TSPAN5: variants seen among roughly 807,000 people sequenced by gnomAD.
TSPAN5 encodes tetraspanin-5.
In TSPAN5, 10 loss-of-function variants were observed where a neutral mutation model predicts 37.1. The ratio of observed to expected loss-of-function variants is 0.27; its 90% CI spans 0.17 to 0.46. TSPAN5 has a LOEUF of 0.46. TSPAN5 is among the 20% of genes least tolerant of loss of function. The pLI is 1.00. For missense variants in TSPAN5, 195 were observed against 326.6 expected, an observed-to-expected ratio of 0.60 and a Z score of 3.11; for synonymous variants, 110 against 118.9, an observed-to-expected ratio of 0.93 and a Z score of 0.48.
At chr4:98,490,467 T>C (rs1753061381) in intron 2 of TSPAN5, among the ~76,000 whole-genome samples, 1 of 152,140 alleles carries the variant, frequency 6.6e-6, no homozygotes, top group South Asian at 2.1e-4. Flanking sequence ...TTCAACTGTT[T>C]CCACGGAAAC....
intron 1 of TSPAN5, among the ~76,000 whole-genome samples, chr4:98,605,329 G>A (rs1009264031): frequency 6.6e-6 from 1 of 152,152 alleles, no homozygotes; most frequent in Admixed American, 6.5e-5. Context: ...TTCAATTGTG[G>A]GGGCACTAAT....
Position 98,487,033 on chromosome 4 carries a change from G to A in TSPAN5, c.133-149C>T. 6 of 551,152 alleles carry A rather than the reference G, an allele frequency of 1.1e-5. No individual in the cohort carries two copies. In the South Asian group the frequency reaches 1.3e-4, roughly 12 times the overall value. 34.1% of individuals were successfully genotyped at this position (551,152 alleles called of 1,614,324 possible). ...AGGTATGTGATTAATACTTAAGAGA[G>A]GAAAGAAAGAGAGAGAGAAAGAGAA... is the stretch of plus-strand genomic sequence containing the variant. On this transcript the variant is annotated intron_variant, in intron 2 of 7. Transcript: ENST00000305798.
At chr4:98,614,753 A>G (rs1184849965) in intron 1 of TSPAN5, among the ~76,000 whole-genome samples, 2 of 152,204 alleles carry the variant, frequency 1.3e-5, no homozygotes, top group African/African-American at 4.8e-5. Flanking sequence ...TATTAATGAG[A>G]AACATATTTA....
intron 4 of TSPAN5, among the ~76,000 whole-genome samples, chr4:98,481,440 G>C (rs984180423): frequency 6.6e-6 from 1 of 152,144 alleles, no homozygotes; most frequent in African/African-American, 2.4e-5. Context: ...AGGGATAGGA[G>C]AGAGTGGCCC....
intron 1 of TSPAN5, among the ~76,000 whole-genome samples, chr4:98,652,282 T>A (rs1757208151): frequency 6.6e-6 from 1 of 152,212 alleles, no homozygotes; most frequent in South Asian, 2.1e-4. Flanking sequence ...TATTTGGAAG[T>A]TAGAAATTTT....
At chr4:98,486,011 C>G (rs1578938102) in intron 3 of TSPAN5, among the ~76,000 whole-genome samples, 1 of 152,098 alleles carries the variant, frequency 6.6e-6, no homozygotes, top group South Asian at 2.1e-4. Context: ...AAGCTCCATG[C>G]TGACAGGCAC....
chr4:98,528,135 T>C (rs17027662), intron 1 of TSPAN5, among the ~76,000 whole-genome samples: 7,200 of 152,250 alleles, frequency 0.047, 236 homozygotes, highest in Non-Finnish European at 0.072. Context: ...CTAAATACCC[T>C]GCAAATCAGA....
chr4:98,488,551 T>G (rs888544913), intron 2 of TSPAN5, among the ~76,000 whole-genome samples: 1 of 152,248 alleles, frequency 6.6e-6, no homozygotes, highest in Non-Finnish European at 1.5e-5. Context: ...CATTAACTTC[T>G]GAGGTGACAT....
intron 1 of TSPAN5, among the ~76,000 whole-genome samples, chr4:98,525,808 T>C (rs1753948693): frequency 6.6e-6 from 1 of 152,220 alleles, no homozygotes; most frequent in Non-Finnish European, 1.5e-5. Flanking sequence ...AAGTAGCCTA[T>C]GGTAAAATTA....
At chr4:98,582,663 G>T (rs1755396159) in intron 1 of TSPAN5, among the ~76,000 whole-genome samples, 1 of 152,150 alleles carries the variant, frequency 6.6e-6, no homozygotes, top group African/African-American at 2.4e-5. Flanking sequence ...CAAGCTGCTT[G>T]AAAAATGAAG....
chr4:98,646,448 T>A (rs1036043973), intron 1 of TSPAN5, among the ~76,000 whole-genome samples: 1 of 151,726 alleles, frequency 6.6e-6, no homozygotes, highest in African/African-American at 2.4e-5. Flanking sequence ...AGGGTATCTA[T>A]CCTCCCCACC....
chr4:98,607,858 C>T (rs1756076538), intron 1 of TSPAN5, among the ~76,000 whole-genome samples: 1 of 151,850 alleles, frequency 6.6e-6, no homozygotes, highest in African/African-American at 2.4e-5. Flanking sequence ...TTACAAGTGC[C>T]CGCCACCATG....
intron 1 of TSPAN5, among the ~76,000 whole-genome samples, chr4:98,616,821 C>T (rs961882238): frequency 6.6e-6 from 1 of 151,818 alleles, no homozygotes; most frequent in African/African-American, 2.4e-5. Flanking sequence ...ACGATACACT[C>T]CAATTTCCAA....
At chr4:98,499,739 C>A (rs1220744063) in intron 2 of TSPAN5, among the ~76,000 whole-genome samples, 1 of 145,470 alleles carries the variant, frequency 6.9e-6, no homozygotes, top group African/African-American at 2.6e-5. Context: ...GGGCTCACTG[C>A]AAGCTCCGCC....
chr4:98,624,963 C>T (rs1371381647), intron 1 of TSPAN5, among the ~76,000 whole-genome samples: 1 of 152,096 alleles, frequency 6.6e-6, no homozygotes, highest in African/African-American at 2.4e-5. Flanking sequence ...CACAACCAAT[C>T]CCAAAAAAAC....
chr4:98,558,511 A>G (rs1754802179), intron 1 of TSPAN5, among the ~76,000 whole-genome samples: 1 of 152,198 alleles, frequency 6.6e-6, no homozygotes, highest in African/African-American at 2.4e-5. Context: ...TAATATCCAC[A>G]GCTTCCCCAG....
At chr4:98,573,768 TAGTTC>T (rs34986118) in intron 1 of TSPAN5, among the ~76,000 whole-genome samples, 25,696 of 152,140 alleles carry the variant, frequency 0.17, 2,556 homozygotes, top group East Asian at 0.41. Context: ...TAGTTTGGTT[TAGTTC>T]ATTTTTTAAA....
At chr4:98,551,425 T>C (rs1219588944) in intron 1 of TSPAN5, among the ~76,000 whole-genome samples, 2 of 151,762 alleles carry the variant, frequency 1.3e-5, no homozygotes, top group Non-Finnish European at 2.9e-5. Context: ...CTCGTTTTTT[T>C]TTTTTGGAAT....
chr4:98,607,011 T>G (rs962000579), intron 1 of TSPAN5, among the ~76,000 whole-genome samples: 26 of 148,552 alleles, frequency 1.8e-4, no homozygotes, highest in South Asian at 2.2e-4. Flanking sequence ...CAGGGGGAGG[T>G]GGTGAGGCAG....
Sources: gnomAD v4.1 joint callset for allele counts (sites outside exome capture counted in the v4.1 genomes callset) on GRCh38, gnomAD v4.1.1 for gene constraint, MANE v1.5 for transcripts, NCBI Gene and HGNC (gene_info 2026-07-23, HGNC 2026-07-21) for gene names.